The following SCHIP1 variants were observed in gnomAD, a reference collection of about 807,000 sequenced individuals.
SCHIP1 encodes the protein schwannomin-interacting protein 1.
Under a neutral mutation model 29.7 loss-of-function variants are expected in SCHIP1, and 8 were observed. The observed-to-expected ratio is 0.27, with a 90% confidence interval of 0.16 to 0.49. The LOEUF (loss-of-function observed/expected upper bound fraction) is 0.49. SCHIP1 is among the 20% of genes least tolerant of loss of function. SCHIP1 has a pLI of 0.99. For missense variants in SCHIP1, 193 were observed against 294.6 expected, an observed-to-expected ratio of 0.66 and a Z score of 2.52; for synonymous variants, 76 against 94.9, an observed-to-expected ratio of 0.80 and a Z score of 1.16.
the SCHIP1 span, among the ~76,000 whole-genome samples, chr3:159,731,365 T>A: frequency 2.6e-5 from 4 of 152,336 alleles, no homozygotes; most frequent in East Asian, 7.7e-4. Context: ...CTAAAGCACA[T>A]CCTCGTCCCT....
the SCHIP1 span, among the ~76,000 whole-genome samples, chr3:159,533,226 G>A: frequency 6.6e-6 from 1 of 152,092 alleles, no homozygotes. Flanking sequence ...TGGGGTGACA[G>A]TAGGTGGGGT....
At chr3:159,670,655 C>T in the SCHIP1 span, among the ~76,000 whole-genome samples, 1 of 151,502 alleles carries the variant, frequency 6.6e-6, no homozygotes, top group East Asian at 1.9e-4. Context: ...AAAAAAGAGG[C>T]CATCACCAAG....
the SCHIP1 span, among the ~76,000 whole-genome samples, chr3:159,545,906 C>A: frequency 6.6e-6 from 1 of 151,482 alleles, no homozygotes; most frequent in Non-Finnish European, 1.5e-5. Flanking sequence ...GGGGACTGAG[C>A]ATGTTCCTCC....
the SCHIP1 span, among the ~76,000 whole-genome samples, chr3:159,750,263 GTATATATATATATATATA>G: frequency 2.0e-4 from 5 of 25,106 alleles, no homozygotes; most frequent in South Asian, 1.1e-3. Flanking sequence ...ATGTGTGTGT[GTATATATATATATATATA>G]TATATATATA....
chr3:159,804,193 A>G, the SCHIP1 span, among the ~76,000 whole-genome samples: 2 of 152,316 alleles, frequency 1.3e-5, no homozygotes, highest in Middle Eastern at 6.8e-3. Context: ...AATGAACTAT[A>G]GGAAATCCCA....
At chr3:159,457,838 T>C in the SCHIP1 span, among the ~76,000 whole-genome samples, 158 of 152,236 alleles carry the variant, frequency 1.0e-3, no homozygotes, top group African/African-American at 3.3e-3. Context: ...ATTATAACAA[T>C]ATATGTAATA....
chr3:159,438,249 T>C, the SCHIP1 span, among the ~76,000 whole-genome samples: 1 of 152,244 alleles, frequency 6.6e-6, no homozygotes. Flanking sequence ...AGCTCCTCCC[T>C]GACCATGCCT....
the SCHIP1 span, among the ~76,000 whole-genome samples, chr3:159,291,344 T>C: frequency 6.6e-6 from 1 of 152,118 alleles, no homozygotes. Context: ...AAATATGTGA[T>C]TAATATGAAA....
At chr3:159,713,053 G>T in the SCHIP1 span, among the ~76,000 whole-genome samples, 1 of 151,772 alleles carries the variant, frequency 6.6e-6, no homozygotes, top group African/African-American at 2.4e-5. Context: ...TATTAGGGAG[G>T]CTGAGGCAGG....
At chr3:159,520,611 T>C in the SCHIP1 span, among the ~76,000 whole-genome samples, 1 of 152,234 alleles carries the variant, frequency 6.6e-6, no homozygotes, top group Admixed American at 6.5e-5. Context: ...TGTCTTCTAG[T>C]GTGCATTCCA....
chr3:159,696,106 T>C, the SCHIP1 span, among the ~76,000 whole-genome samples: 4 of 152,172 alleles, frequency 2.6e-5, no homozygotes, highest in African/African-American at 9.6e-5. Flanking sequence ...CCAAAGCATA[T>C]GTCACTTCGT....
chr3:159,356,023 T>C, the SCHIP1 span, among the ~76,000 whole-genome samples: 1 of 152,106 alleles, frequency 6.6e-6, no homozygotes, highest in Non-Finnish European at 1.5e-5. Context: ...TCAAATGGTA[T>C]TTCTAGTTCT....
At chr3:159,341,867 T>G in the SCHIP1 span, among the ~76,000 whole-genome samples, 1 of 152,174 alleles carries the variant, frequency 6.6e-6, no homozygotes, top group South Asian at 2.1e-4. Context: ...TAGTTTCACC[T>G]AAAAATGACA....
At chr3:159,762,607 G>A in the SCHIP1 span, among the ~76,000 whole-genome samples, 1 of 152,174 alleles carries the variant, frequency 6.6e-6, no homozygotes, top group Admixed American at 6.5e-5. Flanking sequence ...ATAAAATTAA[G>A]TAATATTTTT....
At chr3:159,614,726 A>C in the SCHIP1 span, among the ~76,000 whole-genome samples, 1 of 152,224 alleles carries the variant, frequency 6.6e-6, no homozygotes, top group Non-Finnish European at 1.5e-5. Flanking sequence ...AGGAAGCTTA[A>C]ATTTAAAATA....
At chr3:159,843,677 G>A (rs1254209069) in intron 1 of SCHIP1, among the ~76,000 whole-genome samples, 1 of 151,924 alleles carries the variant, frequency 6.6e-6, no homozygotes, top group African/African-American at 2.4e-5. Flanking sequence ...CAAAAAATCA[G>A]CCGGCCAAGG....
chr3:159,887,896 C>T (rs751988934), exon 4 of SCHIP1: 13 of 1,613,826 alleles, frequency 8.1e-6, no homozygotes, highest in African/African-American at 4.0e-5. Context: ...AGTCTCCCGT[C>T]GCTGATCTTG....
the SCHIP1 span, among the ~76,000 whole-genome samples, chr3:159,685,292 C>T: frequency 3.9e-5 from 6 of 152,138 alleles, no homozygotes; most frequent in African/African-American, 1.4e-4. Flanking sequence ...TAATTACATT[C>T]ATTACAGAAA....
chr3:159,827,918 T>C, the SCHIP1 span, among the ~76,000 whole-genome samples: 1 of 152,092 alleles, frequency 6.6e-6, no homozygotes, highest in Admixed American at 6.5e-5. Flanking sequence ...ATCTAGTGTG[T>C]TTAGTTTTTG....
Sources: gnomAD v4.1 joint callset for allele counts (sites outside exome capture counted in the v4.1 genomes callset) on GRCh38, gnomAD v4.1.1 for gene constraint, MANE v1.5 for transcripts, NCBI Gene and HGNC (gene_info 2026-07-23, HGNC 2026-07-21) for gene names.